Variants in LRP1B observed in about 807,000 individuals in gnomAD.
The protein encoded by LRP1B is low-density lipoprotein receptor-related protein 1B.
In LRP1B, 217 loss-of-function variants were observed where a neutral mutation model predicts 556.6. The ratio of observed to expected loss-of-function variants is 0.39; its 90% CI spans 0.35 to 0.44. The LOEUF (loss-of-function observed/expected upper bound fraction) is 0.44, where lower values mean the gene tolerates loss of function less well. Among genes scored for constraint, LRP1B ranks in the 20% least tolerant of loss-of-function variants. The pLI is 1.00. For missense variants in LRP1B, 5,053 were observed against 5,620.8 expected (o/e 0.90, Z 3.23); for synonymous variants, 2,047 against 1,865.8 (o/e 1.10, Z -2.50).
chr2:141,446,346 G>T (rs1398916891), intron 3 of LRP1B, among the ~76,000 whole-genome samples: 1 of 152,050 alleles, frequency 6.6e-6, no homozygotes, highest in Admixed American at 6.6e-5. Flanking sequence ...CCATCGATGG[G>T]TCTTGACTCT....
intron 83 of LRP1B, among the ~76,000 whole-genome samples, chr2:140,301,855 G>T (rs1291845133): frequency 6.6e-6 from 1 of 151,330 alleles, no homozygotes; most frequent in African/African-American, 2.4e-5. Flanking sequence ...ACTAATATAT[G>T]AATATATATG....
chr2:142,017,691 T>C (rs7581074), intron 1 of LRP1B, among the ~76,000 whole-genome samples: 61,795 of 151,550 alleles, frequency 0.41, 12,806 homozygotes, highest in Middle Eastern at 0.55. Context: ...GCCCAAGAGT[T>C]TGAGATCAAC....
At chr2:141,196,793 T>G (rs1681770818) in intron 6 of LRP1B, among the ~76,000 whole-genome samples, 1 of 152,160 alleles carries the variant, frequency 6.6e-6, no homozygotes, top group African/African-American at 2.4e-5. Flanking sequence ...TGCAACGGTT[T>G]ACTCCTTCGC....
rs144983712 is a variant in LRP1B, at chr2:140,607,673, G to GTA, written c.6800-6036_6800-6035dup. ...CACACACACACATAGACGTGTGTGT[G>GTA]TATATATATATGTATACATATACAT... On this transcript the variant is annotated intron_variant, in intron 41 of 90. Transcript: ENST00000389484. Among the ~76,000 whole-genome samples, 309 of 150,956 alleles carry GTA rather than the reference G, an allele frequency of 2.0e-3. 5 individuals carry two copies. In the East Asian group the frequency reaches 0.051, roughly 25 times the overall value.
chr2:141,254,387 A>T (rs1684382615), intron 4 of LRP1B, 135 bp downstream of exon 4: 1 of 844,696 alleles, frequency 1.2e-6, no homozygotes, highest in African/African-American at 1.8e-5. Flanking sequence ...TGGGGGGGCA[A>T]CTTTTAAATC....
chr2:141,646,259 TGTGCATTTGAAAACCAAATGTATATA>T (rs1266377697), intron 2 of LRP1B, among the ~76,000 whole-genome samples: 1 of 152,166 alleles, frequency 6.6e-6, no homozygotes, highest in Non-Finnish European at 1.5e-5. Flanking sequence ...TATGTATATG[TGTGCATTTGAAAACCAAATGTATATA>T]GTGTAGAGAG....
intron 77 of LRP1B, among the ~76,000 whole-genome samples, chr2:140,348,305 G>C (rs1052134899): frequency 2.2e-4 from 33 of 152,000 alleles, no homozygotes; most frequent in African/African-American, 7.7e-4. Context: ...AGGAGGCAAA[G>C]TTAAATAGTT....
chr2:141,701,771 T>G (rs1021233938), intron 2 of LRP1B, among the ~76,000 whole-genome samples: 1 of 151,916 alleles, frequency 6.6e-6, no homozygotes, highest in Non-Finnish European at 1.5e-5. Context: ...ACACGGGAAG[T>G]TGACTAAAAG....
At chr2:140,419,001 A>T (rs187796050) in intron 66 of LRP1B, among the ~76,000 whole-genome samples, 3,023 of 152,262 alleles carry the variant, frequency 0.02, 45 homozygotes, top group Non-Finnish European at 0.023. Flanking sequence ...GGCTTTGCCT[A>T]TGGACTAAAT....
chr2:141,702,482 A>G (rs1239060471), intron 2 of LRP1B, among the ~76,000 whole-genome samples: 1 of 151,810 alleles, frequency 6.6e-6, no homozygotes, highest in Non-Finnish European at 1.5e-5. Flanking sequence ...ACATTTTATA[A>G]AACACTCTGT....
chr2:140,890,810 T>C (rs556930422), intron 23 of LRP1B, among the ~76,000 whole-genome samples: 1 of 152,170 alleles, frequency 6.6e-6, no homozygotes, highest in South Asian at 2.1e-4. Flanking sequence ...AAATCCCATC[T>C]TACAATGGTT....
chr2:141,339,121 C>T (rs918449301), intron 3 of LRP1B, among the ~76,000 whole-genome samples: 2 of 151,972 alleles, frequency 1.3e-5, no homozygotes, highest in African/African-American at 4.8e-5. Context: ...TCCCTGAACT[C>T]CAGGCTAAGA....
intron 6 of LRP1B, among the ~76,000 whole-genome samples, chr2:141,196,149 C>T (rs1681740865): frequency 6.6e-6 from 1 of 151,948 alleles, no homozygotes; most frequent in African/African-American, 2.4e-5. Context: ...GTTTTCAATG[C>T]AATTTTTATT....
chr2:140,898,219 G>A (rs1430792443), intron 23 of LRP1B, among the ~76,000 whole-genome samples: 2 of 152,048 alleles, frequency 1.3e-5, no homozygotes, highest in Non-Finnish European at 2.9e-5. Context: ...ATACTTCATT[G>A]AGCCTAAGTA....
chr2:141,100,325 A>C (rs1391086605), intron 7 of LRP1B, among the ~76,000 whole-genome samples: 2 of 152,220 alleles, frequency 1.3e-5, no homozygotes, highest in East Asian at 3.9e-4. Context: ...CCTTGAAATT[A>C]GAAAATGGAG....
At position 140,305,736 on chromosome 2, in the gene LRP1B, T is replaced by A. The variant is rs547014069; in HGVS notation, c.12806-7767A>T. Among the ~76,000 whole-genome samples, 8 of 152,296 alleles carry A rather than the reference T, an allele frequency of 5.3e-5. No individual in the cohort carries two copies. In the East Asian group the frequency reaches 1.5e-3, roughly 29 times the overall value. ...GGGCATCCCTGTCTTGTGCCGGTTT[T>A]CAAAGGGAATGCTTCTAGTTTTTGT... On this transcript the variant is annotated intron_variant, in intron 83 of 90. Coordinates refer to ENST00000389484, the MANE Select transcript of LRP1B (RefSeq NM_018557.3).
At chr2:141,506,671 A>G (rs939038880) in intron 2 of LRP1B, among the ~76,000 whole-genome samples, 2 of 152,204 alleles carry the variant, frequency 1.3e-5, no homozygotes, top group East Asian at 3.9e-4. Context: ...TCTTTGTATT[A>G]GTATGTTATA....
At chr2:140,250,953 C>G (rs1681387173) in intron 86 of LRP1B, among the ~76,000 whole-genome samples, 1 of 151,734 alleles carries the variant, frequency 6.6e-6, no homozygotes. Flanking sequence ...CGTAGAAGTT[C>G]CCTACACAAT....
intron 25 of LRP1B, among the ~76,000 whole-genome samples, chr2:140,877,852 G>A (rs774531211): frequency 6.6e-6 from 1 of 152,072 alleles, no homozygotes; most frequent in Non-Finnish European, 1.5e-5. Flanking sequence ...ATGTCATCAG[G>A]ACCTCCTGAA....
Sources: gnomAD v4.1 joint callset for allele counts (sites outside exome capture counted in the v4.1 genomes callset) on GRCh38, gnomAD v4.1.1 for gene constraint, MANE v1.5 for transcripts, NCBI Gene and HGNC (gene_info 2026-07-23, HGNC 2026-07-21) for gene names.